Variants in SLX4IP observed in about 807,000 individuals in gnomAD.
SLX4IP encodes the protein protein SLX4IP.
A neutral mutation model predicts 32.9 loss-of-function variants in SLX4IP; 34 were observed. That is an observed-to-expected ratio of 1.03 (90% confidence interval 0.79 to 1.38). The LOEUF is 1.38. SLX4IP is among the 40% of genes most tolerant of loss of function. The pLI is 0.00. For synonymous variants in SLX4IP, 172 were observed against 171.7 expected, an observed-to-expected ratio of 1.00 and a Z score of -0.01; for missense variants, 444 against 479.0, an observed-to-expected ratio of 0.93 and a Z score of 0.68.
intron 2 of SLX4IP, among the ~76,000 whole-genome samples, chr20:10,506,263 T>G (rs940485932): frequency 6.6e-6 from 1 of 152,214 alleles, no homozygotes; most frequent in East Asian, 1.9e-4. Flanking sequence ...ATAATTATTT[T>G]TGCATCGCGA....
intron 2 of SLX4IP, among the ~76,000 whole-genome samples, chr20:10,490,109 C>T (rs2065609574): frequency 6.6e-6 from 1 of 151,886 alleles, no homozygotes; most frequent in Non-Finnish European, 1.5e-5. Context: ...CCATGAAAGG[C>T]CTTAAAAAAG....
chr20:10,444,431 G>A (rs912642337), intron 1 of SLX4IP, among the ~76,000 whole-genome samples: 8 of 151,996 alleles, frequency 5.3e-5, no homozygotes, highest in Admixed American at 3.9e-4. Flanking sequence ...AGGCTGGATT[G>A]CAGTGGCACA....
intron 4 of SLX4IP, among the ~76,000 whole-genome samples, chr20:10,574,736 A>C (rs938500733): frequency 2.6e-5 from 4 of 152,114 alleles, no homozygotes; most frequent in South Asian, 4.1e-4. Context: ...GGAGTGGTGC[A>C]ATCTCAGCTC....
At chr20:10,555,229 A>T (rs1472145322) in intron 2 of SLX4IP, among the ~76,000 whole-genome samples, 2 of 151,760 alleles carry the variant, frequency 1.3e-5, no homozygotes, top group Admixed American at 1.3e-4. Context: ...CCAGCCAAGG[A>T]AGTGAAAAAA....
intron 6 of SLX4IP, among the ~76,000 whole-genome samples, chr20:10,614,634 A>G (rs997512793): frequency 1.3e-5 from 2 of 152,168 alleles, no homozygotes; most frequent in Admixed American, 1.3e-4. Flanking sequence ...CTCCCAACAT[A>G]GGCCGTGTTT....
At chr20:10,481,835 C>T (rs1208445403) in intron 2 of SLX4IP, among the ~76,000 whole-genome samples, 1 of 152,160 alleles carries the variant, frequency 6.6e-6, no homozygotes, top group Non-Finnish European at 1.5e-5. Flanking sequence ...AACGCTCAGT[C>T]GCGGGGAGGA....
At chr20:10,583,431 C>T (rs2066608026) in intron 4 of SLX4IP, among the ~76,000 whole-genome samples, 1 of 152,178 alleles carries the variant, frequency 6.6e-6, no homozygotes, top group African/African-American at 2.4e-5. Flanking sequence ...AAGAACACCT[C>T]CTTTAACCTG....
At chr20:10,517,305 G>T in intron 2 of SLX4IP, among the ~76,000 whole-genome samples, 1 of 152,150 alleles carries the variant, frequency 6.6e-6, no homozygotes, top group Non-Finnish European at 1.5e-5. Context: ...TTGACAAGGT[G>T]AAAATTCAGG....
chr20:10,497,361 T>C (rs1002621376), intron 2 of SLX4IP, among the ~76,000 whole-genome samples: 71 of 152,326 alleles, frequency 4.7e-4, no homozygotes, highest in African/African-American at 1.7e-3. Context: ...TTTTAAATTT[T>C]ACAACTTTAA....
rs552262268 is a variant in SLX4IP at position 10,436,426 on chromosome 20, G to T, written c.-30+973G>T. 2.6e-5 allele frequency among the ~76,000 whole-genome samples: 4 copies of T among 152,032 alleles called. No homozygotes were observed. The South Asian group carries it at 8.3e-4, about 32-fold the overall frequency. ...GGTTGGAGTGCAGTGGCGCGATCTT[G>T]GCTCACTGCCATCTCCGCCCCCCGG... On this transcript the variant is annotated intron_variant, in intron 1 of 7. Coordinates refer to ENST00000334534, the MANE Select transcript of SLX4IP (RefSeq NM_001009608.3).
At chr20:10,486,017 C>A (rs543218373) in intron 2 of SLX4IP, among the ~76,000 whole-genome samples, 1 of 151,984 alleles carries the variant, frequency 6.6e-6, no homozygotes, top group East Asian at 1.9e-4. Context: ...GAGGCAGGCA[C>A]CCTCGGTATA....
chr20:10,454,693 T>C (rs2065270499), intron 1 of SLX4IP, among the ~76,000 whole-genome samples: 1 of 152,254 alleles, frequency 6.6e-6, no homozygotes, highest in Non-Finnish European at 1.5e-5. Context: ...TGACTATTAT[T>C]AGTAGTGCTT....
At chr20:10,614,260 T>C (rs1034706798) in intron 6 of SLX4IP, 81 of 607,652 alleles carry the variant, frequency 1.3e-4, no homozygotes, top group Non-Finnish European at 2.0e-4. Context: ...CAGATCCAGC[T>C]CTCAAAAGAT....
At position 10,622,864 on chromosome 20, in the gene SLX4IP, C is replaced by G. The variant is rs1192303181; in HGVS notation, c.712C>G (p.Gln238Glu). The G allele has an allele frequency of 6.2e-7, 1 of 1,613,844 alleles. No individual in the cohort carries two copies. Among genetic ancestry groups the G allele is most frequent in the African/African-American group, 1.3e-5 (1 of 74,844 alleles). The change falls in exon 8 of 8, where the codon CAA (glutamine) becomes GAA (glutamate). Residue 238 changes from glutamine to glutamate, a missense_variant. Physicochemically the swap from Gln to Glu is conservative, Grantham distance 29. Transcript: ENST00000334534. ...TGAGAGCCACTGGGGGCTTCCTGTT[C>G]AAAAGCTGGAAAAAGTTAATCAGAC... ...AAESHWGLPVQKLEKVNQTQP... is the reference protein window; with the variant it reads ...AAESHWGLPVEKLEKVNQTQP...
intron 2 of SLX4IP, among the ~76,000 whole-genome samples, chr20:10,480,754 A>G (rs968625009): frequency 6.6e-6 from 1 of 152,216 alleles, no homozygotes; most frequent in African/African-American, 2.4e-5. Context: ...TTTAGATACT[A>G]GTGATTGATT....
intron 2 of SLX4IP, among the ~76,000 whole-genome samples, chr20:10,552,420 C>G (rs1390215115): frequency 7.6e-6 from 1 of 131,820 alleles, no homozygotes; most frequent in African/African-American, 2.8e-5. Flanking sequence ...TTTTTTTTTT[C>G]ACTTCTGTTT....
In SLX4IP at chr20:10,448,412, A is replaced by G. The variant is rs144212252; in HGVS notation, c.-29-9764A>G. On this transcript the variant is annotated intron_variant, in intron 1 of 7. Transcript: ENST00000334534. ...AATTAAATGCTGAGGCTTAAATCCA[A>G]GGGACACTTTGCACTGTACCATGAC... Among the ~76,000 whole-genome samples, 933 of 152,332 alleles carry G rather than the reference A, an allele frequency of 6.1e-3. 13 individuals are homozygous for G. The highest frequency in any genetic ancestry group is 0.02 in the African/African-American group (848 of 41,566).
At chr20:10,613,774 G>A in intron 6 of SLX4IP, 1 of 1,613,594 alleles carries the variant, frequency 6.2e-7, no homozygotes, top group Non-Finnish European at 8.5e-7. Context: ...TGCACGCAAA[G>A]CACAGACTCC....
intron 3 of SLX4IP, among the ~76,000 whole-genome samples, chr20:10,559,862 C>T (rs1009390776): frequency 2.0e-5 from 3 of 152,078 alleles, no homozygotes; most frequent in Non-Finnish European, 2.9e-5. Flanking sequence ...GAGTGTAGTA[C>T]GTTTTTACAA....
Sources: allele counts gnomAD v4.1 joint callset (sites outside exome capture counted in the v4.1 genomes callset), GRCh38; gene constraint gnomAD v4.1.1; transcripts MANE v1.5; gene names NCBI Gene and HGNC (gene_info 2026-07-23, HGNC 2026-07-21).